Variants in COL23A1 observed in about 807,000 individuals in gnomAD.
COL23A1 encodes the protein collagen type XXIII alpha 1 chain.
In COL23A1, 97 loss-of-function variants were observed where a neutral mutation model predicts 99.3. The ratio of observed to expected loss-of-function variants is 0.98; its 90% CI spans 0.83 to 1.16. The LOEUF (loss-of-function observed/expected upper bound fraction) is 1.16. COL23A1 is among the 50% of genes most tolerant of loss of function. COL23A1 has a pLI of 0.00. For synonymous variants in COL23A1, 320 were observed against 308.2 expected (o/e 1.04, Z -0.40); for missense variants, 762 against 757.4 (o/e 1.01, Z -0.07).
At chr5:178,475,098 T>C (rs1274049799) in intron 2 of COL23A1, among the ~76,000 whole-genome samples, 1 of 152,196 alleles carries the variant, frequency 6.6e-6, no homozygotes, top group Admixed American at 6.5e-5. Context: ...TAAATTTCCC[T>C]TGTGTTAAAT....
chr5:178,563,374 C>T (rs1013082779), intron 1 of COL23A1, among the ~76,000 whole-genome samples: 1 of 152,136 alleles, frequency 6.6e-6, no homozygotes, highest in African/African-American at 2.4e-5. Flanking sequence ...GACACCACCC[C>T]TACTAATCCC....
At chr5:178,269,373 AT>A (rs1756108337) in intron 6 of COL23A1, among the ~76,000 whole-genome samples, 1 of 27,710 alleles carries the variant, frequency 3.6e-5, no homozygotes, top group African/African-American at 9.4e-5. Context: ...CCACCCACCC[AT>A]CTATCCATCC....
chr5:178,284,820 C>T (rs1323393956), intron 5 of COL23A1, among the ~76,000 whole-genome samples: 1 of 152,094 alleles, frequency 6.6e-6, no homozygotes, highest in Non-Finnish European at 1.5e-5. Context: ...ATGAGACTGA[C>T]GTGCTGCCCA....
intron 2 of COL23A1, among the ~76,000 whole-genome samples, chr5:178,480,873 C>T (rs1349772758): frequency 2.0e-5 from 3 of 151,966 alleles, no homozygotes; most frequent in African/African-American, 2.4e-5. Flanking sequence ...TGGGCTGGCA[C>T]GGTGGCTCAC....
intron 2 of COL23A1, among the ~76,000 whole-genome samples, chr5:178,429,068 G>A (rs537427100): frequency 2.0e-5 from 3 of 152,260 alleles, no homozygotes; most frequent in South Asian, 2.1e-4. Context: ...AACCAGGTGC[G>A]GGGAGGGCCA....
rs1562080407 is a variant in COL23A1 at position 178,549,827 on chromosome 5, CA to C, written c.361+10854del. Among the ~76,000 whole-genome samples, 76 of 151,874 alleles carry C rather than the reference CA, an allele frequency of 5.0e-4. 1 individual carries two copies. The highest frequency in any genetic ancestry group is 6.2e-4 in the South Asian group (3 of 4,810). On this transcript the variant is annotated intron_variant, in intron 2 of 28. Coordinates refer to ENST00000390654, the MANE Select transcript of COL23A1 (RefSeq NM_173465.4). ...CAGAATCCTGTCTCAAAAAACAAAA[CA>C]AAAACAAAAACAAAAACAATTTCTT...
intron 2 of COL23A1, among the ~76,000 whole-genome samples, chr5:178,543,617 C>A (rs571427485): frequency 3.9e-5 from 6 of 152,172 alleles, no homozygotes; most frequent in Non-Finnish European, 8.8e-5. Flanking sequence ...GAGTCTCCAC[C>A]TTTGGTGTTG....
intron 2 of COL23A1, among the ~76,000 whole-genome samples, chr5:178,327,346 C>T (rs551039670): frequency 2.4e-4 from 36 of 152,256 alleles, no homozygotes; most frequent in Non-Finnish European, 3.5e-4. Flanking sequence ...GGGAAACGGG[C>T]GCTGATGCCT....
At position 178,247,839 on chromosome 5, in the gene COL23A1, G is replaced by T; in HGVS notation, c.1213-8C>A. Reference sequence around the variant, plus strand: ...CTCCACTATGAGCTGAGCCTAGGGAGGGTGAGAGACAGGTTAGTCACCCAC... The same window carrying T: ...CTCCACTATGAGCTGAGCCTAGGGATGGTGAGAGACAGGTTAGTCACCCAC... On this transcript the variant is annotated splice_region_variant and splice_polypyrimidine_tract_variant and intron_variant, in intron 20 of 28. Transcript: ENST00000390654. The T allele has an allele frequency of 6.2e-7, 1 of 1,610,656 alleles. No individual in the cohort carries two copies. Among genetic ancestry groups the T allele is most frequent in the Non-Finnish European group, 8.5e-7 (1 of 1,178,404 alleles).
intron 2 of COL23A1, among the ~76,000 whole-genome samples, chr5:178,367,174 C>G (rs1436643048): frequency 1.3e-5 from 2 of 152,238 alleles, no homozygotes; most frequent in African/African-American, 4.8e-5. Flanking sequence ...CACATCAGCA[C>G]TAGCTTGATC....
At chr5:178,474,188 C>T (rs1756909950) in intron 2 of COL23A1, among the ~76,000 whole-genome samples, 1 of 152,222 alleles carries the variant, frequency 6.6e-6, no homozygotes, top group African/African-American at 2.4e-5. Context: ...TGTCCAAGTC[C>T]TTGGCTTTCA....
intron 1 of COL23A1, among the ~76,000 whole-genome samples, chr5:178,584,342 A>ACC (rs1554201390): frequency 1.3e-5 from 2 of 148,894 alleles, no homozygotes; most frequent in East Asian, 2.0e-4. Context: ...ACACACACAC[A>ACC]CCTAGAAATA....
At chr5:178,264,470 G>A (rs950174207) in intron 8 of COL23A1, among the ~76,000 whole-genome samples, 6 of 151,912 alleles carry the variant, frequency 3.9e-5, no homozygotes, top group African/African-American at 9.7e-5. Flanking sequence ...GGCCCAACCC[G>A]AGAGGAAGGG....
At chr5:178,563,438 G>A (rs1389327530) in intron 1 of COL23A1, among the ~76,000 whole-genome samples, 1 of 151,872 alleles carries the variant, frequency 6.6e-6, no homozygotes, top group Non-Finnish European at 1.5e-5. Flanking sequence ...AGGCTTCTGC[G>A]CAGAATGGAG....
chr5:178,541,380 G>A (rs1315772312), intron 2 of COL23A1, among the ~76,000 whole-genome samples: 4 of 152,196 alleles, frequency 2.6e-5, no homozygotes, highest in Non-Finnish European at 5.9e-5. Flanking sequence ...TTGAGGCCAG[G>A]AGTTCAAGAC....
At chr5:178,538,063 C>T (rs1025690015) in intron 2 of COL23A1, among the ~76,000 whole-genome samples, 3 of 152,202 alleles carry the variant, frequency 2.0e-5, no homozygotes, top group South Asian at 2.1e-4. Flanking sequence ...GAGGCTGAAT[C>T]GTATGCTATT....
chr5:178,586,597 A>C (rs1057370115), intron 1 of COL23A1, among the ~76,000 whole-genome samples: 1 of 138,994 alleles, frequency 7.2e-6, no homozygotes, highest in Non-Finnish European at 1.5e-5. Flanking sequence ...AAGCTCTCCC[A>C]AACTGTTGCA....
chr5:178,476,483 A>C (rs1346289515), intron 2 of COL23A1, among the ~76,000 whole-genome samples: 2 of 152,250 alleles, frequency 1.3e-5, no homozygotes, highest in Non-Finnish European at 2.9e-5. Context: ...AACAAATGGC[A>C]AATTCCCTTA....
chr5:178,358,310 G>GTA (rs1291747300), intron 2 of COL23A1, among the ~76,000 whole-genome samples: 9 of 148,482 alleles, frequency 6.1e-5, no homozygotes, highest in African/African-American at 2.2e-4. Flanking sequence ...GTATGTATGT[G>GTA]TGTGTATGTG....
Sources: allele counts gnomAD v4.1 joint callset (sites outside exome capture counted in the v4.1 genomes callset), GRCh38; gene constraint gnomAD v4.1.1; transcripts MANE v1.5; gene names NCBI Gene and HGNC (gene_info 2026-07-23, HGNC 2026-07-21).